ZMAT4: variants seen among roughly 807,000 people sequenced by gnomAD.
The protein encoded by ZMAT4 is zinc finger matrin-type 4.
Under a neutral mutation model 28.7 loss-of-function variants are expected in ZMAT4, and 17 were observed. The ratio of observed to expected loss-of-function variants is 0.59; its 90% CI spans 0.41 to 0.89. The LOEUF (loss-of-function observed/expected upper bound fraction) is 0.89. Among genes scored for constraint, ZMAT4 ranks in the 40% least tolerant of loss-of-function variants. The pLI, the probability that ZMAT4 is intolerant of heterozygous loss-of-function variation, is 0.00. For synonymous variants in ZMAT4, 117 were observed against 109.2 expected (o/e 1.07, Z -0.44); for missense variants, 240 against 283.8 (o/e 0.85, Z 1.11).
chr8:40,626,063 T>C (rs138816610), intron 5 of ZMAT4, among the ~76,000 whole-genome samples: 9,456 of 149,058 alleles, frequency 0.063, 477 homozygotes, highest in Admixed American at 0.17. Flanking sequence ...TGAGCTGAGA[T>C]TGCGCCATTG....
intron 6 of ZMAT4, among the ~76,000 whole-genome samples, chr8:40,549,150 T>C (rs1191755775): frequency 6.6e-6 from 1 of 152,122 alleles, no homozygotes; most frequent in East Asian, 1.9e-4. Context: ...GAAGCTGCCA[T>C]CTATAAGGAA....
At chr8:40,790,485 A>C (rs1814276710) in intron 2 of ZMAT4, among the ~76,000 whole-genome samples, 1 of 152,186 alleles carries the variant, frequency 6.6e-6, no homozygotes, top group South Asian at 2.1e-4. Flanking sequence ...GATCATAGAG[A>C]ATTTAAATTT....
At chr8:40,825,150 T>C (rs1815985890) in intron 2 of ZMAT4, among the ~76,000 whole-genome samples, 1 of 152,026 alleles carries the variant, frequency 6.6e-6, no homozygotes, top group Admixed American at 6.5e-5. Flanking sequence ...GCTGCTTCAT[T>C]ACTTGCTGCT....
In ZMAT4 at chr8:40,879,914, G is replaced by A. The variant is rs181005860; in HGVS notation, c.-5+17769C>T. ...TAGCCTAATACTCCATTGTATGGACGTACCGAACTAGTTTACTTAACTAGT... is the reference window on the plus strand; with the variant it reads ...TAGCCTAATACTCCATTGTATGGACATACCGAACTAGTTTACTTAACTAGT... On this transcript the variant is annotated intron_variant, in intron 1 of 6. Transcript: ENST00000297737. Among the ~76,000 whole-genome samples the A allele has an allele frequency of 1.2e-4, 18 of 149,594 alleles. No individual in the cohort carries two copies. In the East Asian group the frequency reaches 2.9e-3, roughly 24 times the overall value.
At position 40,615,445 on chromosome 8, in the gene ZMAT4, C is replaced by T. The variant is rs112214566; in HGVS notation, c.578-34184G>A. Among the ~76,000 whole-genome samples the T allele has an allele frequency of 4.1e-3, 625 of 152,138 alleles. 3 individuals are homozygous for T. Among genetic ancestry groups the T allele is most frequent in the African/African-American group, 0.014 (581 of 41,482 alleles). The stretch of plus-strand genomic sequence containing the variant: ...CGAGAAGTATCTTTGTGGCATTCTC[C>T]GTATTTCCTGAATTTGAATGTTGGC... On this transcript the variant is annotated intron_variant, in intron 5 of 6. Coordinates refer to ENST00000297737, the MANE Select transcript of ZMAT4 (RefSeq NM_024645.3).
At chr8:40,700,061 C>T (rs553133718) in intron 3 of ZMAT4, among the ~76,000 whole-genome samples, 1 of 152,118 alleles carries the variant, frequency 6.6e-6, no homozygotes, top group Non-Finnish European at 1.5e-5. Context: ...TATGTATTTA[C>T]CCAACACATT....
At chr8:40,588,449 T>G (rs1216113854) in intron 5 of ZMAT4, among the ~76,000 whole-genome samples, 2 of 152,052 alleles carry the variant, frequency 1.3e-5, no homozygotes, top group African/African-American at 4.8e-5. Context: ...ATCTAATTTT[T>G]TTAAAGGGCA....
chr8:40,821,572 C>T (rs1037033848), intron 2 of ZMAT4, among the ~76,000 whole-genome samples: 1 of 152,100 alleles, frequency 6.6e-6, no homozygotes, highest in African/African-American at 2.4e-5. Context: ...TCTGTCCTCT[C>T]GTGCAAAGGT....
At position 40,880,714 on chromosome 8, in the gene ZMAT4, C is replaced by T. The variant is rs921371804; in HGVS notation, c.-5+16969G>A. Among the ~76,000 whole-genome samples the T allele has an allele frequency of 1.3e-4, 20 of 152,252 alleles. 1 individual carries two copies. Among genetic ancestry groups the T allele is most frequent in the Admixed American group, 9.8e-4 (15 of 15,304 alleles). On this transcript the variant is annotated intron_variant, in intron 1 of 6. Coordinates refer to ENST00000297737, the MANE Select transcript of ZMAT4 (RefSeq NM_024645.3). ...CTCTAACTTCAGAGCCGGGACTCCA[C>T]GCTTGGCTCCAAAGCTACCCACCTG...
In ZMAT4 at chr8:40,831,784, C is replaced by A. The variant is rs376652282; in HGVS notation, c.-4-6104G>T. ...CACTCCGTGTGACTGTGCAAGCTCT[C>A]CAGTATCGGGCATTGTGACTACTCT... is the stretch of plus-strand genomic sequence containing the variant. On this transcript the variant is annotated intron_variant, in intron 1 of 6. Coordinates refer to ENST00000297737, the MANE Select transcript of ZMAT4 (RefSeq NM_024645.3). 3.9e-5 allele frequency among the ~76,000 whole-genome samples: 6 copies of A among 152,298 alleles called. 1 individual carries two copies. The South Asian group carries it at 6.2e-4, about 16-fold the overall frequency.
At chr8:40,568,709 A>G (rs1309761692) in intron 6 of ZMAT4, among the ~76,000 whole-genome samples, 1 of 152,174 alleles carries the variant, frequency 6.6e-6, no homozygotes, top group Non-Finnish European at 1.5e-5. Context: ...CAGATATGGA[A>G]ACTAAGCCAT....
chr8:40,643,217 C>T (rs1454521488), intron 5 of ZMAT4, among the ~76,000 whole-genome samples: 1 of 152,096 alleles, frequency 6.6e-6, no homozygotes, highest in Non-Finnish European at 1.5e-5. Flanking sequence ...TTTCATCTGC[C>T]TTTTGTTTCC....
rs1352155076 is a variant in ZMAT4, at chr8:40,648,549, G to A, written c.577+26155C>T. Among the ~76,000 whole-genome samples, 17 of 141,910 alleles carry A rather than the reference G, an allele frequency of 1.2e-4. 1 individual carries two copies. Among genetic ancestry groups the A allele is most frequent in the African/African-American group, 2.4e-4 (9 of 38,292 alleles). The allele number at this position is 141,910 out of a possible 152,430, so 93.1% of individuals were successfully genotyped here. On this transcript the variant is annotated intron_variant, in intron 5 of 6. Transcript: ENST00000297737. ...CCCCAATCTAGCAAGGCAGGCCAAC[G>A]TTCAGATTCAGGAAATACAGAGAAC... is the stretch of plus-strand genomic sequence containing the variant.
chr8:40,845,535 A>G (rs138514418), intron 1 of ZMAT4, among the ~76,000 whole-genome samples: 1 of 152,190 alleles, frequency 6.6e-6, no homozygotes, highest in African/African-American at 2.4e-5. Context: ...TGGTCTATCA[A>G]TAGGCAGATT....
chr8:40,564,063 A>G (rs946346737), intron 6 of ZMAT4, among the ~76,000 whole-genome samples: 5 of 152,182 alleles, frequency 3.3e-5, no homozygotes, highest in Non-Finnish European at 5.9e-5. Context: ...CTGAATAAAT[A>G]TGATCATGAA....
At chr8:40,882,430 C>G (rs559291836) in intron 1 of ZMAT4, among the ~76,000 whole-genome samples, 1 of 152,110 alleles carries the variant, frequency 6.6e-6, no homozygotes, top group Non-Finnish European at 1.5e-5. Context: ...AAACCCTGGC[C>G]GGCAATATTT....
intron 5 of ZMAT4, among the ~76,000 whole-genome samples, chr8:40,628,914 T>C (rs1329402963): frequency 2.6e-5 from 4 of 152,058 alleles, no homozygotes; most frequent in Non-Finnish European, 5.9e-5. Context: ...AGAGACACCA[T>C]ACAATGGAAA....
chr8:40,702,501 A>G (rs1218513565), intron 3 of ZMAT4, among the ~76,000 whole-genome samples: 1 of 152,260 alleles, frequency 6.6e-6, no homozygotes, highest in Non-Finnish European at 1.5e-5. Flanking sequence ...CAGTCAAAGC[A>G]TTTTGCAAAG....
chr8:40,676,106 T>G (rs963992290), intron 4 of ZMAT4, among the ~76,000 whole-genome samples: 2 of 152,296 alleles, frequency 1.3e-5, no homozygotes, highest in South Asian at 4.1e-4. Context: ...TGGCCTTTTA[T>G]CCCATTTCTC....
Sources: gnomAD v4.1 joint callset for allele counts (sites outside exome capture counted in the v4.1 genomes callset) on GRCh38, gnomAD v4.1.1 for gene constraint, MANE v1.5 for transcripts, NCBI Gene and HGNC (gene_info 2026-07-23, HGNC 2026-07-21) for gene names.